The following B3GALT1 variants were observed in gnomAD, a reference collection of about 807,000 sequenced individuals.
The protein encoded by B3GALT1 is UDP-Gal:betaGlcNAc beta 1,3-galactosyltransferase, polypeptide 1.
A neutral mutation model predicts 23.2 loss-of-function variants in B3GALT1; 10 were observed. That is an observed-to-expected ratio of 0.43 (90% CI 0.27 to 0.73). The LOEUF (loss-of-function observed/expected upper bound fraction) is 0.73. B3GALT1 is among the 30% of genes least tolerant of loss of function. B3GALT1 has a pLI of 0.21. For synonymous variants in B3GALT1, 156 were observed against 141.5 expected, an observed-to-expected ratio of 1.10 and a Z score of -0.73; for missense variants, 299 against 405.4, an observed-to-expected ratio of 0.74 and a Z score of 2.25.
intron 3 of B3GALT1, among the ~76,000 whole-genome samples, chr2:167,674,341 A>G (rs781140082): frequency 1.1e-4 from 17 of 152,172 alleles, no homozygotes; most frequent in Admixed American, 2.6e-4. Context: ...CCTGCTTCCT[A>G]TCCCATTATA....
chr2:167,385,630 A>G (rs1318675876), intron 1 of B3GALT1, among the ~76,000 whole-genome samples: 1 of 152,210 alleles, frequency 6.6e-6, no homozygotes, highest in Non-Finnish European at 1.5e-5. Flanking sequence ...TGAGGGGCAG[A>G]GGGTTTATGG....
rs776130624 is a variant in B3GALT1, at chr2:167,869,261, G to A, written c.222G>A (p.Glu74=). ...TTATCAACGAGCCCAATAAATGTGA[G>A]AAAAACATTCCTTTTCTTGTTATCC... ...EFLINEPNKC[E]KNIPFLVILI... is the part of the protein sequence containing the mutation. The change falls in exon 5 of 5, where the codon GAG becomes GAA. Residue 74 remains glutamate, a synonymous_variant. Coordinates refer to ENST00000392690, the MANE Select transcript of B3GALT1 (RefSeq NM_020981.4). This position sits in a 1 kb window ranked among gnomAD's most constrained non-coding sequence, Gnocchi z 6.4. 6.2e-7 allele frequency: 1 copy of A among 1,614,196 alleles called. No homozygotes were observed. Among genetic ancestry groups the A allele is most frequent in the East Asian group, 2.2e-5 (1 of 44,886 alleles).
At chr2:167,621,831 T>G (rs577465921) in intron 2 of B3GALT1, among the ~76,000 whole-genome samples, 3 of 152,018 alleles carry the variant, frequency 2.0e-5, no homozygotes, top group Non-Finnish European at 4.4e-5. Context: ...ACATGTTTGC[T>G]TCCCCTTCTA....
intron 3 of B3GALT1, among the ~76,000 whole-genome samples, chr2:167,705,524 A>G (rs1181433369): frequency 6.6e-6 from 1 of 152,170 alleles, no homozygotes; most frequent in African/African-American, 2.4e-5. Flanking sequence ...TGAAAACAAG[A>G]TAATTGGCAT....
intron 2 of B3GALT1, among the ~76,000 whole-genome samples, chr2:167,567,727 C>T (rs1442130836): frequency 1.3e-5 from 2 of 152,086 alleles, no homozygotes; most frequent in Non-Finnish European, 2.9e-5. Context: ...TGAATCTACA[C>T]TGAAACAACA....
intron 2 of B3GALT1, among the ~76,000 whole-genome samples, chr2:167,512,402 A>T (rs1336767855): frequency 6.6e-6 from 1 of 150,558 alleles, no homozygotes. Context: ...GAATGATTTT[A>T]TAATGTTAAA....
chr2:167,357,559 T>C (rs1697436118), intron 1 of B3GALT1, among the ~76,000 whole-genome samples: 1 of 152,164 alleles, frequency 6.6e-6, no homozygotes, highest in African/African-American at 2.4e-5. Flanking sequence ...TCTTCCTCTT[T>C]TTGAAAATCC....
At chr2:167,302,479 A>T (rs547649449) in intron 1 of B3GALT1, among the ~76,000 whole-genome samples, 139 of 152,308 alleles carry the variant, frequency 9.1e-4, no homozygotes, top group African/African-American at 3.2e-3. Context: ...TCTGTTTTCT[A>T]CATTGTTACT....
Position 167,706,329 on chromosome 2 carries a change from G to T in B3GALT1, c.-352+59363G>T, listed in dbSNP as rs559716973. On this transcript the variant is annotated intron_variant, in intron 3 of 4. Transcript: ENST00000392690. ...CCTTGATTAATTAAAATTTCCAAAGGTTATCTAAATTGTAGTTCTGTTATT... is the reference window on the plus strand; with the variant it reads ...CCTTGATTAATTAAAATTTCCAAAGTTTATCTAAATTGTAGTTCTGTTATT... 6.6e-5 allele frequency among the ~76,000 whole-genome samples: 10 copies of T among 152,278 alleles called. No homozygotes were observed. The South Asian group carries it at 2.1e-3, about 32-fold the overall frequency.
At chr2:167,657,124 G>A (rs1216441143) in intron 3 of B3GALT1, among the ~76,000 whole-genome samples, 1 of 152,144 alleles carries the variant, frequency 6.6e-6, no homozygotes, top group Admixed American at 6.6e-5. Context: ...GCTTACTGGG[G>A]AGTGCAGAAA....
At chr2:167,586,446 C>T (rs1463169670) in intron 2 of B3GALT1, among the ~76,000 whole-genome samples, 2 of 152,090 alleles carry the variant, frequency 1.3e-5, no homozygotes, top group Non-Finnish European at 2.9e-5. Flanking sequence ...ACTACAGGTG[C>T]CCGTCACCAT....
At chr2:167,682,568 C>T (rs1686550479) in intron 3 of B3GALT1, among the ~76,000 whole-genome samples, 1 of 152,178 alleles carries the variant, frequency 6.6e-6, no homozygotes, top group Non-Finnish European at 1.5e-5. Flanking sequence ...GTGAGAATAA[C>T]CTGAAGAGCT....
chr2:167,638,223 G>A (rs1147146), intron 2 of B3GALT1, among the ~76,000 whole-genome samples: 38,937 of 151,828 alleles, frequency 0.26, 5,031 homozygotes, highest in East Asian at 0.31. Flanking sequence ...GAATATTTCA[G>A]TAAAGTTTAA....
intron 3 of B3GALT1, among the ~76,000 whole-genome samples, chr2:167,730,442 A>G (rs1218040426): frequency 6.6e-6 from 1 of 152,158 alleles, no homozygotes; most frequent in African/African-American, 2.4e-5. Flanking sequence ...TTTGTCTAGT[A>G]CTTTACAGTT....
chr2:167,789,957 C>T (rs73971279), intron 3 of B3GALT1, among the ~76,000 whole-genome samples: 1,892 of 152,248 alleles, frequency 0.012, 46 homozygotes, highest in African/African-American at 0.042. Context: ...TCTACACAAC[C>T]ACCACCCCGC....
At chr2:167,529,362 A>C (rs1171622063) in intron 2 of B3GALT1, among the ~76,000 whole-genome samples, 8 of 152,040 alleles carry the variant, frequency 5.3e-5, no homozygotes, top group Non-Finnish European at 2.9e-5. Flanking sequence ...ATCTATGTAC[A>C]CTGGCAACCT....
intron 3 of B3GALT1, among the ~76,000 whole-genome samples, chr2:167,682,003 GTTT>G (rs1004505645): frequency 6.6e-6 from 1 of 152,126 alleles, no homozygotes; most frequent in Admixed American, 6.5e-5. Context: ...ATGAATTTTT[GTTT>G]TTTTAAGAAA....
At chr2:167,674,161 A>G (rs1425127565) in intron 3 of B3GALT1, among the ~76,000 whole-genome samples, 1 of 152,148 alleles carries the variant, frequency 6.6e-6, no homozygotes, top group Non-Finnish European at 1.5e-5. Context: ...GGAAATTTAT[A>G]TTTGTATTTA....
At position 167,603,430 on chromosome 2, in the gene B3GALT1, G is replaced by A. The variant is rs1290098205; in HGVS notation, c.-409-43479G>A. ...CTCAGTTTCCTCCTGTGTAAAACAG[G>A]GAAAACATTAGTATCCTGGTATCCA... On this transcript the variant is annotated intron_variant, in intron 2 of 4. Transcript: ENST00000392690. Among the ~76,000 whole-genome samples, 4 of 152,144 alleles carry A rather than the reference G, an allele frequency of 2.6e-5. No individual in the cohort carries two copies. In the East Asian group the frequency reaches 5.8e-4, roughly 22 times the overall value.
Sources: allele counts gnomAD v4.1 joint callset (sites outside exome capture counted in the v4.1 genomes callset), GRCh38; gene constraint gnomAD v4.1.1; non-coding constraint Gnocchi (gnomAD v3.1); transcripts MANE v1.5; gene names NCBI Gene and HGNC (gene_info 2026-07-23, HGNC 2026-07-21).